Variants in TAOK1 observed in about 807,000 individuals in gnomAD.
TAOK1 encodes the protein TAO kinase 1.
Under a neutral mutation model 138.3 loss-of-function variants are expected in TAOK1, and 21 were observed. The ratio of observed to expected loss-of-function variants is 0.15; its 90% CI spans 0.11 to 0.22. The LOEUF is 0.22. TAOK1 is among the 10% of genes least tolerant of loss of function. TAOK1 has a pLI of 1.00. For missense variants in TAOK1, 651 were observed against 1,227.7 expected (o/e 0.53, Z 7.02); for synonymous variants, 361 against 398.4 (o/e 0.91, Z 1.12).
At chr17:29,395,136 T>C (rs941195582) in intron 1 of TAOK1, among the ~76,000 whole-genome samples, 2 of 151,984 alleles carry the variant, frequency 1.3e-5, no homozygotes, top group African/African-American at 4.8e-5. Context: ...TCTAACTACC[T>C]GGCAGGCTGA....
intron 1 of TAOK1, among the ~76,000 whole-genome samples, chr17:29,427,799 C>T (rs1448738054): frequency 2.0e-5 from 3 of 151,792 alleles, no homozygotes; most frequent in African/African-American, 7.2e-5. Context: ...TGGTGGTGGA[C>T]GCCTGTAATC....
chr17:29,521,873 C>T (rs999482278), intron 16 of TAOK1, among the ~76,000 whole-genome samples: 11 of 152,318 alleles, frequency 7.2e-5, no homozygotes, highest in South Asian at 2.1e-4. Context: ...TGAGCCACCG[C>T]GCCCAGCTGT....
chr17:29,393,644 G>C (rs1904499670), intron 1 of TAOK1, among the ~76,000 whole-genome samples: 1 of 152,114 alleles, frequency 6.6e-6, no homozygotes, highest in African/African-American at 2.4e-5. Context: ...TTCACAACTG[G>C]CTCTTTCACT....
At chr17:29,408,722 A>AT (rs1190120279) in intron 1 of TAOK1, among the ~76,000 whole-genome samples, 1 of 140,930 alleles carries the variant, frequency 7.1e-6, no homozygotes, top group Non-Finnish European at 1.6e-5. Context: ...TTTTTTTTTT[A>AT]TTTTTTTGGA....
At chr17:29,428,476 T>C (rs1735950767) in intron 1 of TAOK1, among the ~76,000 whole-genome samples, 1 of 152,174 alleles carries the variant, frequency 6.6e-6, no homozygotes. Context: ...CACAGATGAC[T>C]GTAGAGTGCC....
chr17:29,447,978 T>C (rs1449815228), intron 1 of TAOK1, among the ~76,000 whole-genome samples: 1 of 125,150 alleles, frequency 8.0e-6, no homozygotes, highest in Non-Finnish European at 1.7e-5. Flanking sequence ...TTTTTTTTTT[T>C]AATTCTTACA....
At chr17:29,488,970 AACAAT>A (rs1362526481) in intron 8 of TAOK1, among the ~76,000 whole-genome samples, 1 of 152,174 alleles carries the variant, frequency 6.6e-6, no homozygotes, top group Admixed American at 6.6e-5. Flanking sequence ...CTTGAAGATT[AACAAT>A]ACTCAAAGCT....
At chr17:29,435,153 G>T (rs1422987192) in intron 1 of TAOK1, among the ~76,000 whole-genome samples, 1 of 152,076 alleles carries the variant, frequency 6.6e-6, no homozygotes, top group Admixed American at 6.6e-5. Flanking sequence ...TAGAATATTG[G>T]TCCAGATTTT....
intron 2 of TAOK1, among the ~76,000 whole-genome samples, chr17:29,453,848 C>T (rs2030307797): frequency 6.7e-6 from 1 of 150,360 alleles, no homozygotes; most frequent in South Asian, 2.1e-4. Context: ...CACTCTGTTG[C>T]CCAGGCTGGA....
At chr17:29,438,211 C>T (rs187532237) in intron 1 of TAOK1, among the ~76,000 whole-genome samples, 2 of 151,894 alleles carry the variant, frequency 1.3e-5, no homozygotes, top group Non-Finnish European at 2.9e-5. Flanking sequence ...TTTTATTTTT[C>T]GAATGTTCCA....
chr17:29,482,742 A>AT (rs35255570), intron 8 of TAOK1, among the ~76,000 whole-genome samples: 49 of 145,546 alleles, frequency 3.4e-4, no homozygotes, highest in South Asian at 6.7e-4. Flanking sequence ...ATATATACAT[A>AT]TTTTTTTTTT....
chr17:29,542,021 C>T (rs1385534813), intron 19 of TAOK1, among the ~76,000 whole-genome samples: 1 of 151,716 alleles, frequency 6.6e-6, no homozygotes, highest in Non-Finnish European at 1.5e-5. Flanking sequence ...ACTACAGGGG[C>T]CCGCCACCAC....
chr17:29,474,071 C>T (rs1349545809), intron 3 of TAOK1, among the ~76,000 whole-genome samples: 4 of 152,066 alleles, frequency 2.6e-5, no homozygotes, highest in Non-Finnish European at 2.9e-5. Flanking sequence ...TAATTTCTTT[C>T]CTTAAACCTG....
chr17:29,493,239 A>C (rs578251559), intron 10 of TAOK1, among the ~76,000 whole-genome samples: 44 of 152,094 alleles, frequency 2.9e-4, no homozygotes, highest in Admixed American at 1.8e-3. Context: ...TCACTCCTGT[A>C]ATCACAGCAC....
At chr17:29,462,950 T>C (rs1228186416) in intron 2 of TAOK1, among the ~76,000 whole-genome samples, 1 of 152,200 alleles carries the variant, frequency 6.6e-6, no homozygotes, top group Non-Finnish European at 1.5e-5. Flanking sequence ...TATTGTGTTC[T>C]TTGTTAGTTA....
chr17:29,424,581 T>C (rs1192042239), intron 1 of TAOK1, among the ~76,000 whole-genome samples: 2 of 152,184 alleles, frequency 1.3e-5, no homozygotes, highest in Non-Finnish European at 2.9e-5. Flanking sequence ...CTACATATCT[T>C]TCTTTGGAAG....
At chr17:29,445,328 G>C (rs1039383158) in intron 1 of TAOK1, 1 of 152,316 alleles carries the variant, frequency 6.6e-6, no homozygotes, top group African/African-American at 2.4e-5. Flanking sequence ...ACAAATTTGC[G>C]TGTCATCCTT....
chr17:29,422,778 C>A (rs1163186533), intron 1 of TAOK1, among the ~76,000 whole-genome samples: 3 of 152,202 alleles, frequency 2.0e-5, no homozygotes, highest in Non-Finnish European at 4.4e-5. Context: ...ATAATCCCAG[C>A]ACTTTGGGAA....
chr17:29,404,371 A>G (rs1441986136), intron 1 of TAOK1, among the ~76,000 whole-genome samples: 1 of 152,144 alleles, frequency 6.6e-6, no homozygotes, highest in Non-Finnish European at 1.5e-5. Context: ...CGTGTTGCCC[A>G]GGCTGGTCTT....
Sources: allele counts gnomAD v4.1 joint callset (sites outside exome capture counted in the v4.1 genomes callset), GRCh38; gene constraint gnomAD v4.1.1; transcripts MANE v1.5; gene names NCBI Gene and HGNC (gene_info 2026-07-23, HGNC 2026-07-21).